Variants in ECD observed in about 807,000 individuals in gnomAD.
ECD encodes the protein protein ecdysoneless homolog.
ECD carries 59 observed loss-of-function variants against 77.2 expected under a neutral mutation model. The observed-to-expected ratio is 0.76, with a 90% CI of 0.62 to 0.95. The LOEUF (loss-of-function observed/expected upper bound fraction) is 0.95. Ranked by LOEUF, ECD falls within the 40% of genes least tolerant of loss-of-function variation. ECD has a pLI of 0.00. For missense variants in ECD, 704 were observed against 763.4 expected (o/e 0.92, Z 0.92); for synonymous variants, 233 against 267.4 (o/e 0.87, Z 1.26).
Position 73,139,379 on chromosome 10 carries a change from T to G in ECD, c.1351A>C (p.Thr451Pro). Residue 451 changes from threonine (T) to proline (P), a missense_variant, in exon 11 of 14, where the codon ACT becomes CCT. This residue lies in a region of ECD where 559 missense variants were observed against 583.7 expected (regional missense o/e 0.96). Coordinates refer to ENST00000372979, the MANE Select transcript of ECD (RefSeq NM_007265.3). ...GCTTTCATGCTCTCTGAGACTTCAGTTAAGTCATAGTTCTGCTCCTTCTCC... is the reference window on the plus strand; with the variant it reads ...GCTTTCATGCTCTCTGAGACTTCAGGTAAGTCATAGTTCTGCTCCTTCTCC... ...KEEKEQNYDL[T>P]EVSESMKAFI... The G allele has an allele frequency of 6.2e-7, 1 of 1,614,196 alleles. No homozygotes were observed. The highest frequency in any genetic ancestry group is 8.5e-7 in the Non-Finnish European group (1 of 1,180,046).
Position 73,156,466 on chromosome 10 carries a change from C to T in ECD, c.412-13G>A, listed in dbSNP as rs919266227. The T allele has an allele frequency of 2.5e-6, 4 of 1,608,638 alleles. No homozygotes were observed. The highest frequency in any genetic ancestry group is 3.4e-6 in the Non-Finnish European group (4 of 1,177,136). On this transcript the variant is annotated splice_polypyrimidine_tract_variant and intron_variant, in intron 4 of 13. Coordinates refer to ENST00000372979, the MANE Select transcript of ECD (RefSeq NM_007265.3). ...GGCAGAAAAATACCTGCAAACGGTA[C>T]ATTTCAATTTTCACAGTGGGCACTG...
intron 7 of ECD, among the ~76,000 whole-genome samples, chr10:73,149,451 T>A (rs1843173508): frequency 6.6e-6 from 1 of 152,204 alleles, no homozygotes; most frequent in South Asian, 2.1e-4. Flanking sequence ...TGATGCTGGA[T>A]ACACAGTGGC....
At chr10:73,164,526 G>A (rs992349754) in intron 1 of ECD, among the ~76,000 whole-genome samples, 24 of 151,692 alleles carry the variant, frequency 1.6e-4, no homozygotes, top group Middle Eastern at 3.4e-3. Context: ...GGAGTGCAGC[G>A]GCATGATCAC....
chr10:73,139,232 AAGTGG>A, intron 11 of ECD, 72 bp downstream of exon 11: 2 of 1,397,612 alleles, frequency 1.4e-6, no homozygotes, highest in South Asian at 1.6e-5. Flanking sequence ...AAAAAAAAAA[AAGTGG>A]AAATGGCAAT....
intron 7 of ECD, 111 bp downstream of exon 7, chr10:73,152,182 G>T: frequency 1.6e-6 from 2 of 1,286,166 alleles, no homozygotes; most frequent in South Asian, 1.5e-5. Flanking sequence ...ACATTTTACT[G>T]CATTCTTACA....
intron 9 of ECD, among the ~76,000 whole-genome samples, chr10:73,140,118 G>A (rs1051249421): frequency 1.3e-5 from 2 of 151,882 alleles, no homozygotes; most frequent in African/African-American, 4.8e-5. Context: ...CCAAGTAGCT[G>A]AGACTACAGG....
chr10:73,167,049 G>A (rs916124245), intron 1 of ECD, among the ~76,000 whole-genome samples: 11 of 152,146 alleles, frequency 7.2e-5, no homozygotes, highest in African/African-American at 2.7e-4. Context: ...AGTTTTCCCA[G>A]TATCATTTAT....
chr10:73,156,397 T>C lies in ECD; in HGVS notation c.468A>G (p.Ala156=). The change falls in exon 5 of 14, where the codon GCA becomes GCG. Residue 156 remains alanine, a synonymous_variant. Transcript: ENST00000372979. ...GGGGTGTGGTGGGTAACCAAGATTC[T>C]GCTCCAGATTTTCTTGGTGCAGGGA... ...CIIPAPRKSG[A]ESWLPTTPPT... 5.6e-6 allele frequency: 9 copies of C among 1,613,540 alleles called. No individual in the cohort carries two copies. The highest frequency in any genetic ancestry group is 7.6e-6 in the Non-Finnish European group (9 of 1,179,842).
At chr10:73,154,906 C>T (rs1433565493) in intron 5 of ECD, among the ~76,000 whole-genome samples, 2 of 151,914 alleles carry the variant, frequency 1.3e-5, no homozygotes, top group Non-Finnish European at 1.5e-5. Context: ...TGCACTCCAG[C>T]CTGGGCGACA....
chr10:73,163,653 G>A (rs1843409415), intron 2 of ECD, 80 bp downstream of exon 2: 16 of 1,370,046 alleles, frequency 1.2e-5, no homozygotes, highest in Non-Finnish European at 1.4e-5. Flanking sequence ...AACACTGAAT[G>A]AAGCGTGGAC....
chr10:73,152,953 G>A (rs187908455), intron 6 of ECD, among the ~76,000 whole-genome samples: 5 of 151,096 alleles, frequency 3.3e-5, no homozygotes, highest in African/African-American at 1.2e-4. Flanking sequence ...TTTAGTAATC[G>A]CTAGTAAAAT....
At chr10:73,159,159 G>A (rs1843341650) in intron 3 of ECD, among the ~76,000 whole-genome samples, 1 of 152,216 alleles carries the variant, frequency 6.6e-6, no homozygotes, top group Admixed American at 6.5e-5. Flanking sequence ...TTGGGAAAGA[G>A]GTTGAGTGGG....
intron 5 of ECD, among the ~76,000 whole-genome samples, chr10:73,155,444 T>C (rs1843283587): frequency 6.7e-6 from 1 of 149,754 alleles, no homozygotes; most frequent in Admixed American, 6.6e-5. Flanking sequence ...GATGAACGAA[T>C]ATGTAATTAG....
intron 9 of ECD, 122 bp downstream of exon 9, chr10:73,146,154 G>A (rs536891444): frequency 2.7e-6 from 1 of 365,106 alleles, no homozygotes. Flanking sequence ...TGCCAGCCTG[G>A]GTGACAGAGT....
chr10:73,154,171 C>T, intron 6 of ECD, 85 bp downstream of exon 6: 5 of 1,345,590 alleles, frequency 3.7e-6, no homozygotes, highest in Non-Finnish European at 5.0e-6. Flanking sequence ...TCACTGAGCA[C>T]TGAGAAATGT....
chr10:73,165,796 T>C (rs1278345811), intron 1 of ECD, among the ~76,000 whole-genome samples: 1 of 145,390 alleles, frequency 6.9e-6, no homozygotes, highest in East Asian at 2.1e-4. Context: ...TTTAGTTATT[T>C]TTATTAAAAA....
At chr10:73,160,581 C>T in intron 2 of ECD, 30 bp from the exon 3 acceptor site, 1 of 1,506,426 alleles carries the variant, frequency 6.6e-7, no homozygotes. Flanking sequence ...AACCATGTAA[C>T]CAGATAAATT....
intron 3 of ECD, among the ~76,000 whole-genome samples, 155 bp downstream of exon 3, chr10:73,160,279 G>A (rs1449081526): frequency 2.2e-5 from 3 of 139,146 alleles, no homozygotes; most frequent in Non-Finnish European, 3.0e-5. Flanking sequence ...AAGCAAGACT[G>A]TCTCAAAAAA....
At chr10:73,160,013 G>A (rs181594011) in intron 3 of ECD, among the ~76,000 whole-genome samples, 6 of 151,632 alleles carry the variant, frequency 4.0e-5, no homozygotes, top group African/African-American at 1.4e-4. Flanking sequence ...GGCTGGGCGC[G>A]GTGGCTTACG....
Sources: gnomAD v4.1 joint callset for allele counts (sites outside exome capture counted in the v4.1 genomes callset) on GRCh38, gnomAD v4.1.1 for gene constraint, gnomAD v4.1.1 regional missense constraint, MANE v1.5 for transcripts, NCBI Gene and HGNC (gene_info 2026-07-23, HGNC 2026-07-21) for gene names.